Variants in PLEKHA6 observed in about 807,000 individuals in gnomAD.
The protein encoded by PLEKHA6 is pleckstrin homology domain-containing family A member 6.
PLEKHA6 carries 60 observed loss-of-function variants against 116.7 expected under a neutral mutation model. The ratio of observed to expected loss-of-function variants is 0.51; its 90% CI spans 0.42 to 0.64. The LOEUF is 0.64. PLEKHA6 is among the 30% of genes least tolerant of loss of function. The pLI is 0.00. For missense variants in PLEKHA6, 1,338 were observed against 1,422.7 expected, an observed-to-expected ratio of 0.94 and a Z score of 0.96; for synonymous variants, 489 against 556.1, an observed-to-expected ratio of 0.88 and a Z score of 1.70.
intron 1 of PLEKHA6, among the ~76,000 whole-genome samples, chr1:204,342,006 T>C (rs1672864096): frequency 6.6e-6 from 1 of 151,772 alleles, no homozygotes; most frequent in Non-Finnish European, 1.5e-5. Flanking sequence ...GCCAACATGG[T>C]GAAACCCCAT....
intron 1 of PLEKHA6, chr1:204,299,762 C>T (rs1321885085): frequency 3.1e-6 from 1 of 322,710 alleles, no homozygotes; most frequent in Non-Finnish European, 4.5e-6. Context: ...GAGCTAATGT[C>T]CCCTTTAAGA....
In PLEKHA6 at chr1:204,314,939, C is replaced by T. The variant is rs146603374; in HGVS notation, c.-94-40130G>A. ...CCCCTAGAGGTATCAATGTAGGCCTCGGTGCCCTCATGTGATCCAGAGCTC... is the reference window on the plus strand; with the variant it reads ...CCCCTAGAGGTATCAATGTAGGCCTTGGTGCCCTCATGTGATCCAGAGCTC... On this transcript the variant is annotated intron_variant, in intron 1 of 22. Transcript: ENST00000272203. Among the ~76,000 whole-genome samples, 12 of 152,244 alleles carry T rather than the reference C, an allele frequency of 7.9e-5. No individual in the cohort carries two copies. The East Asian group carries it at 2.1e-3, about 27-fold the overall frequency.
At chr1:204,311,504 A>AT in intron 1 of PLEKHA6, 2 of 591,426 alleles carry the variant, frequency 3.4e-6, no homozygotes, top group Non-Finnish European at 2.1e-6. Flanking sequence ...AAAAAAAAAA[A>AT]GTTATTCTGC....
intron 17 of PLEKHA6, among the ~76,000 whole-genome samples, chr1:204,233,065 A>C (rs534833782): frequency 1.3e-3 from 199 of 151,972 alleles, no homozygotes; most frequent in Non-Finnish European, 2.3e-3. Flanking sequence ...AGCCTCCCAA[A>C]GTGCTGGGAT....
At chr1:204,253,901 T>G (rs1253642599) in intron 9 of PLEKHA6, among the ~76,000 whole-genome samples, 1 of 151,494 alleles carries the variant, frequency 6.6e-6, no homozygotes, top group African/African-American at 2.4e-5. Context: ...CCTTTATCCA[T>G]GAGGGAGTCT....
intron 1 of PLEKHA6, among the ~76,000 whole-genome samples, chr1:204,354,946 A>C (rs1313655120): frequency 1.3e-5 from 2 of 152,162 alleles, no homozygotes; most frequent in African/African-American, 2.4e-5. Context: ...CTGCCAGAAG[A>C]AGCCCCCAGC....
At chr1:204,297,991 T>C (rs1670452060) in intron 1 of PLEKHA6, 1 of 723,900 alleles carries the variant, frequency 1.4e-6, no homozygotes, top group Non-Finnish European at 1.7e-6. Context: ...ACCTTTCTCA[T>C]GGTTCACAAT....
At chr1:204,352,160 G>A (rs1673300519) in intron 1 of PLEKHA6, among the ~76,000 whole-genome samples, 1 of 151,878 alleles carries the variant, frequency 6.6e-6, no homozygotes, top group Admixed American at 6.6e-5. Flanking sequence ...GATCACTTGA[G>A]GCCAGGAATT....
chr1:204,327,931 C>G (rs1032124072), intron 1 of PLEKHA6, among the ~76,000 whole-genome samples: 4 of 152,214 alleles, frequency 2.6e-5, no homozygotes, highest in African/African-American at 9.7e-5. Context: ...TTCTGAAAGC[C>G]AGTTCCCTGA....
intron 12 of PLEKHA6, 136 bp from the exon 13 acceptor site, chr1:204,247,596 G>A: frequency 1.7e-6 from 1 of 588,844 alleles, no homozygotes; most frequent in Non-Finnish European, 3.1e-6. Context: ...CCGAAGGAGA[G>A]GGGCACCAGG....
At chr1:204,274,238 C>T (rs542897760) in intron 2 of PLEKHA6, among the ~76,000 whole-genome samples, 1 of 152,252 alleles carries the variant, frequency 6.6e-6, no homozygotes, top group South Asian at 2.1e-4. Context: ...CAGCCCTGGA[C>T]ATTTATTTTA....
At chr1:204,293,132 T>C (rs16853237) in intron 1 of PLEKHA6, among the ~76,000 whole-genome samples, 26,393 of 151,700 alleles carry the variant, frequency 0.17, 3,109 homozygotes, top group East Asian at 0.58. Context: ...AACTCAGTAA[T>C]CAGACTTTTT....
intron 1 of PLEKHA6, chr1:204,299,643 C>G: frequency 1.0e-6 from 1 of 985,204 alleles, no homozygotes; most frequent in African/African-American, 1.7e-5. Flanking sequence ...TCCAAAGCAA[C>G]GTGGGTCTTC....
chr1:204,290,953 C>T (rs1572089334), intron 1 of PLEKHA6, among the ~76,000 whole-genome samples: 2 of 130,622 alleles, frequency 1.5e-5, no homozygotes, highest in Admixed American at 1.8e-4. Context: ...TGCATCACTG[C>T]ATAGCAGCGT....
chr1:204,263,809 T>C (rs1666448506), intron 6 of PLEKHA6, among the ~76,000 whole-genome samples: 1 of 152,066 alleles, frequency 6.6e-6, no homozygotes, highest in Non-Finnish European at 1.5e-5. Context: ...CCTGTTCCTA[T>C]TTCCCCAGCT....
intron 1 of PLEKHA6, among the ~76,000 whole-genome samples, chr1:204,290,470 A>AAAAC (rs973892712): frequency 6.6e-6 from 1 of 152,232 alleles, no homozygotes. Flanking sequence ...AAAACACATG[A>AAAAC]AAACAAACAA....
At chr1:204,344,021 G>A (rs763076133) in intron 1 of PLEKHA6, among the ~76,000 whole-genome samples, 1 of 152,182 alleles carries the variant, frequency 6.6e-6, no homozygotes, top group Non-Finnish European at 1.5e-5. Context: ...AGGCTCAGTG[G>A]TGCGTGCCTA....
rs1659562220 is a variant in PLEKHA6, at chr1:204,220,833, G to A, written c.*1955C>T. On this transcript the variant is annotated 3_prime_UTR_variant, in exon 23 of 23. Transcript: ENST00000272203. The stretch of plus-strand genomic sequence containing the variant: ...TTATGAAATAAGAGATGAGAGAGAG[G>A]TGGCAGAGGCGCAGACATTATTTCT... The A allele has an allele frequency of 1.3e-5, 2 of 152,382 alleles. No homozygotes were observed. Among genetic ancestry groups the A allele is most frequent in the South Asian group, 4.2e-4 (2 of 4,806 alleles). The allele number at this position is 152,382 out of a possible 1,614,324, so 9.4% of individuals were successfully genotyped here.
chr1:204,267,995 G>T (rs945531393), intron 4 of PLEKHA6, among the ~76,000 whole-genome samples: 5 of 152,138 alleles, frequency 3.3e-5, no homozygotes, highest in African/African-American at 1.2e-4. Flanking sequence ...TCAGGAAACC[G>T]GGCTGGGTTC....
Sources: gnomAD v4.1 joint callset for allele counts (sites outside exome capture counted in the v4.1 genomes callset) on GRCh38, gnomAD v4.1.1 for gene constraint, MANE v1.5 for transcripts, NCBI Gene and HGNC (gene_info 2026-07-23, HGNC 2026-07-21) for gene names.